The following BCAT2 variants were observed in gnomAD, a reference collection of about 807,000 sequenced individuals.
The protein encoded by BCAT2 is branched-chain-amino-acid aminotransferase, mitochondrial.
A neutral mutation model predicts 52.9 loss-of-function variants in BCAT2; 44 were observed. The observed-to-expected ratio is 0.83, with a 90% CI of 0.65 to 1.07. The LOEUF (loss-of-function observed/expected upper bound fraction) is 1.07, where lower values mean the gene tolerates loss of function less well. Ranked by LOEUF, BCAT2 falls within the 50% of genes least tolerant of loss-of-function variation. The probability of loss-of-function intolerance (pLI) is 0.00; values close to 1 mark genes in which losing one functional copy is unlikely to be tolerated. For missense variants in BCAT2, 478 were observed against 521.8 expected (o/e 0.92, Z 0.82); for synonymous variants, 215 against 217.1 (o/e 0.99, Z 0.08).
Position 48,797,086 on chromosome 19 carries a change from C to T in BCAT2, c.839-64G>A, listed in dbSNP as rs1019209971. ...CCCCCTAGCACCGCCGTCTTAAGAG[C>T]CACCCCCTTCCCCCATCCCAGAATC... On this transcript the variant is annotated intron_variant, in intron 7 of 10. Transcript: ENST00000316273. 10 of 1,608,612 alleles carry T rather than the reference C, an allele frequency of 6.2e-6. No individual in the cohort carries two copies. The African/African-American group carries it at 1.2e-4, about 19-fold the overall frequency.
Position 48,799,579 on chromosome 19 carries a change from G to A in BCAT2, c.695+96C>T, listed in dbSNP as rs2034607227. ...ACGGTGCTGATGATGTCACCTTCAT[G>A]TGACATCCAGAGGCATGGCCGAAAG... On this transcript the variant is annotated intron_variant, in intron 6 of 10. Coordinates refer to ENST00000316273, the MANE Select transcript of BCAT2 (RefSeq NM_001190.4). This position sits in a 1 kb window ranked among gnomAD's most constrained non-coding sequence, Gnocchi z 5.5. The A allele has an allele frequency of 7.1e-7, 1 of 1,404,434 alleles. No homozygotes were observed. The highest frequency in any genetic ancestry group is 1.4e-5 in the African/African-American group (1 of 69,036). The allele number at this position is 1,404,434 out of a possible 1,614,324, so 87.0% of individuals were successfully genotyped here.
chr19:48,798,522 A>G (rs1262195716), intron 6 of BCAT2, among the ~76,000 whole-genome samples: 1 of 152,182 alleles, frequency 6.6e-6, no homozygotes, highest in Non-Finnish European at 1.5e-5. Context: ...GTCCCTGTAC[A>G]CATGGTTCCC....
At chr19:48,810,872 C>A in intron 1 of BCAT2, 112 bp downstream of exon 1, 1 of 1,540,022 alleles carries the variant, frequency 6.5e-7, no homozygotes, top group Non-Finnish European at 8.7e-7. Context: ...GCAGCGGAAC[C>A]CCAGGGCGGG....
intron 3 of BCAT2, 23 bp downstream of exon 3, chr19:48,806,494 A>T: frequency 6.2e-7 from 1 of 1,612,852 alleles, no homozygotes. Context: ...AGGGACAGGG[A>T]GAGAGGCCGG....
At chr19:48,808,192 C>T in intron 1 of BCAT2, 1 of 986,426 alleles carries the variant, frequency 1.0e-6, no homozygotes, top group Non-Finnish European at 1.2e-6. Flanking sequence ...CCCAGATTGC[C>T]TTTGGGTGGC....
At position 48,796,918 on chromosome 19, in the gene BCAT2, G is replaced by A; in HGVS notation, c.924+19C>T. On this transcript the variant is annotated intron_variant, in intron 8 of 10. Coordinates refer to ENST00000316273, the MANE Select transcript of BCAT2 (RefSeq NM_001190.4). ...CCCTGGCACATGGCGCCCATCACCA[G>A]AAGATGCCATGTCCTCACCCAGGTC... 6.2e-7 allele frequency: 1 copy of A among 1,613,566 alleles called. No individual in the cohort carries two copies. The highest frequency in any genetic ancestry group is 2.2e-5 in the East Asian group (1 of 44,884).
rs1179027204 is a variant in BCAT2 at position 48,799,753 on chromosome 19, A to T, written c.617T>A (p.Val206Glu). 1.9e-6 allele frequency: 3 copies of T among 1,582,044 alleles called. No homozygotes were observed. Among genetic ancestry groups the T allele is most frequent in the Non-Finnish European group, 8.6e-7 (1 of 1,164,818 alleles). The change falls in exon 6 of 11, where the codon GTG becomes GAG. Residue 206 changes from valine (V) to glutamate (E), a missense_variant. Val to Glu is a moderately radical substitution (Grantham distance 121). Coordinates refer to ENST00000316273, the MANE Select transcript of BCAT2 (RefSeq NM_001190.4). This position sits in a 1 kb window ranked among gnomAD's most constrained non-coding sequence, Gnocchi z 5.5. ...PVGAYFPGGS[V>E]TPVSLLADPA... ...GTCGGCCAGGAGGGAGACCGGGGTC[A>T]CGGAGCCTCCAGGGAAGTAGGCACC...
At chr19:48,803,239 C>T (rs2034694579) in intron 3 of BCAT2, among the ~76,000 whole-genome samples, 1 of 151,812 alleles carries the variant, frequency 6.6e-6, no homozygotes. Context: ...CCCGGATACA[C>T]CGGATATAGT....
In BCAT2 at chr19:48,795,108, A is replaced by G; in HGVS notation, c.*318T>C. On this transcript the variant is annotated 3_prime_UTR_variant, in exon 11 of 11. Transcript: ENST00000316273. ...TTTCAAAATTGCAGCAAAGACAGAG[A>G]AAAAAAAATCAACGGCAGCACCAGG... The G allele has an allele frequency of 2.4e-6, 1 of 409,356 alleles. No homozygotes were observed. The highest frequency in any genetic ancestry group is 3.9e-5 in the South Asian group (1 of 25,888). The allele number at this position is 409,356 out of a possible 1,614,324, so 25.4% of individuals were successfully genotyped here. A position where few individuals can be genotyped will look rare whatever the true frequency, so the allele number is the denominator to read the frequency against.
rs1299165753 is a variant in BCAT2, at chr19:48,799,254, C to T, written c.695+421G>A. 1 of 161,774 alleles carries T rather than the reference C, an allele frequency of 6.2e-6. No homozygotes were observed. The highest frequency in any genetic ancestry group is 1.3e-5 in the Non-Finnish European group (1 of 74,866). The allele number at this position is 161,774 out of a possible 1,614,324, so 10.0% of individuals were successfully genotyped here. On this transcript the variant is annotated intron_variant, in intron 6 of 10. Transcript: ENST00000316273. This position sits in a 1 kb window ranked among gnomAD's most constrained non-coding sequence, Gnocchi z 5.5. Reference sequence around the variant, plus strand: ...CTGAGGCCACTGGGAGACAGATTTACACAGAAAGTCCACACGGGGGTGAGG... The same window carrying T: ...CTGAGGCCACTGGGAGACAGATTTATACAGAAAGTCCACACGGGGGTGAGG...
intron 1 of BCAT2, among the ~76,000 whole-genome samples, chr19:48,809,982 A>C (rs12978094): frequency 0.039 from 5,954 of 152,070 alleles, 147 homozygotes; most frequent in Middle Eastern, 0.082. Flanking sequence ...ATGTCCCATC[A>C]TGAGTTCAGG....
Position 48,795,151 on chromosome 19 carries a change from G to A in BCAT2, c.*275C>T. ...GCACCAGGGGTCTGGCCTGAGAACG[G>A]AGAGATCCGGAATCGGGGCCAAGGT... On this transcript the variant is annotated 3_prime_UTR_variant, in exon 11 of 11. Coordinates refer to ENST00000316273, the MANE Select transcript of BCAT2 (RefSeq NM_001190.4). The A allele has an allele frequency of 1.8e-6, 1 of 544,332 alleles. No homozygotes were observed. The highest frequency in any genetic ancestry group is 3.3e-6 in the Non-Finnish European group (1 of 303,276). 33.7% of individuals were successfully genotyped at this position (544,332 alleles called of 1,614,324 possible). A position where few individuals can be genotyped will look rare whatever the true frequency, so the allele number is the denominator to read the frequency against.
At chr19:48,810,866 C>G (rs2034906771) in intron 1 of BCAT2, 118 bp downstream of exon 1, 84 of 1,532,444 alleles carry the variant, frequency 5.5e-5, no homozygotes, top group Non-Finnish European at 7.0e-5. Context: ...CGCCCTGCAG[C>G]GGAACCCCAG....
intron 1 of BCAT2, chr19:48,808,409 A>T (rs2034841601): frequency 2.9e-6 from 1 of 344,332 alleles, no homozygotes; most frequent in Non-Finnish European, 4.1e-6. Context: ...AGAAAAAAAA[A>T]AAAACAAAAA....
At chr19:48,806,125 C>A (rs2122689588) in intron 3 of BCAT2, among the ~76,000 whole-genome samples, 1 of 125,688 alleles carries the variant, frequency 8.0e-6, no homozygotes, top group Non-Finnish European at 1.7e-5. Context: ...CCGCCAGCCC[C>A]CCGGCTGTCC....
chr19:48,803,302 T>G (rs1442533570), intron 3 of BCAT2, among the ~76,000 whole-genome samples: 1 of 152,074 alleles, frequency 6.6e-6, no homozygotes, highest in East Asian at 1.9e-4. Context: ...GAGGATCACT[T>G]GAGCTTAGAA....
chr19:48,805,777 G>A (rs1226656292), intron 3 of BCAT2, among the ~76,000 whole-genome samples: 3 of 75,118 alleles, frequency 4.0e-5, no homozygotes, highest in Non-Finnish European at 7.5e-5. Context: ...CCCTCCCCCG[G>A]CTGTCCGTCT....
chr19:48,797,186 C>T lies in BCAT2; in HGVS notation c.838+5G>A. ...GGGTTCGGGCTGGGTCATGGGTGGG[C>T]TTACCCCCATCTTCGTGGGTCCAGT... On this transcript the variant is annotated splice_donor_5th_base_variant and intron_variant, in intron 7 of 10. Coordinates refer to ENST00000316273, the MANE Select transcript of BCAT2 (RefSeq NM_001190.4). The T allele has an allele frequency of 6.2e-7, 1 of 1,613,582 alleles. No homozygotes were observed. Among genetic ancestry groups the T allele is most frequent in the Non-Finnish European group, 8.5e-7 (1 of 1,179,766 alleles).
intron 10 of BCAT2, 111 bp from the exon 11 acceptor site, chr19:48,795,575 G>T: frequency 7.8e-7 from 1 of 1,283,782 alleles, no homozygotes; most frequent in Non-Finnish European, 1.1e-6. Flanking sequence ...GCGGCTCACG[G>T]GAAATGTAGT....
Sources: allele counts gnomAD v4.1 joint callset (sites outside exome capture counted in the v4.1 genomes callset), GRCh38; gene constraint gnomAD v4.1.1; non-coding constraint Gnocchi (gnomAD v3.1); transcripts MANE v1.5; gene names NCBI Gene and HGNC (gene_info 2026-07-23, HGNC 2026-07-21).